NDUFAF7: variants seen among roughly 807,000 people sequenced by gnomAD.
The protein encoded by NDUFAF7 is protein arginine methyltransferase NDUFAF7, mitochondrial.
In NDUFAF7, 48 loss-of-function variants were observed where a neutral mutation model predicts 47.2. The observed-to-expected ratio is 1.02, with a 90% confidence interval of 0.81 to 1.29. The LOEUF (loss-of-function observed/expected upper bound fraction) is 1.29. Among genes scored for constraint, NDUFAF7 ranks in the 50% most tolerant of loss-of-function variants. NDUFAF7 has a pLI of 0.00. For synonymous variants in NDUFAF7, 217 were observed against 190.0 expected, an observed-to-expected ratio of 1.14 and a Z score of -1.17; for missense variants, 635 against 537.6, an observed-to-expected ratio of 1.18 and a Z score of -1.79.
the NDUFAF7 span, chr2:37,269,431 C>T: frequency 8.6e-6 from 5 of 578,036 alleles, no homozygotes; most frequent in East Asian, 1.4e-4. Context: ...TTAAAGTTTG[C>T]AATGACATTA....
intron 5 of NDUFAF7, chr2:37,242,068 G>A (rs1666407759): frequency 1.1e-5 from 5 of 462,388 alleles, no homozygotes; most frequent in East Asian, 4.1e-5. Context: ...AGCTAGGGTT[G>A]TACCGATGAC....
the NDUFAF7 span, among the ~76,000 whole-genome samples, chr2:37,264,011 A>G: frequency 6.6e-6 from 1 of 152,232 alleles, no homozygotes; most frequent in East Asian, 1.9e-4. Context: ...AGAACACCAC[A>G]CCTTTTCTCC....
chr2:37,259,891 A>G, the NDUFAF7 span, among the ~76,000 whole-genome samples: 6 of 152,224 alleles, frequency 3.9e-5, no homozygotes, highest in African/African-American at 1.4e-4. Context: ...TTAGCTGGAT[A>G]CAGTGGCTCA....
chr2:37,244,367 ACT>A (rs764495872), intron 7 of NDUFAF7, among the ~76,000 whole-genome samples: 2 of 152,140 alleles, frequency 1.3e-5, no homozygotes, highest in African/African-American at 2.4e-5. Flanking sequence ...ACTTTGTGTT[ACT>A]CTGTTTTCTC....
the NDUFAF7 span, among the ~76,000 whole-genome samples, chr2:37,258,855 A>G: frequency 6.6e-6 from 1 of 152,232 alleles, no homozygotes; most frequent in Non-Finnish European, 1.5e-5. Context: ...CTAAATGTAC[A>G]TGTTTCAAAT....
downstream of NDUFAF7, among the ~76,000 whole-genome samples, chr2:37,249,700 GATAA>G (rs925579360): frequency 4.3e-5 from 6 of 139,070 alleles, no homozygotes; most frequent in African/African-American, 1.7e-4. Flanking sequence ...ATAATTTTCA[GATAA>G]ATGTCAAATT....
downstream of NDUFAF7, among the ~76,000 whole-genome samples, chr2:37,249,556 T>TAGAGAC (rs200071685): frequency 2.2e-5 from 1 of 46,042 alleles, no homozygotes; most frequent in African/African-American, 8.7e-5. Flanking sequence ...TAGCCTGTGA[T>TAGAGAC]AGACACACAC....
chr2:37,234,303 G>C (rs1051586634), intron 2 of NDUFAF7, among the ~76,000 whole-genome samples: 1 of 152,088 alleles, frequency 6.6e-6, no homozygotes, highest in Non-Finnish European at 1.5e-5. Context: ...TGTTGGCCAG[G>C]CTGGTCTTGA....
intron 2 of NDUFAF7, among the ~76,000 whole-genome samples, chr2:37,235,382 C>A (rs1480774209): frequency 2.0e-5 from 3 of 152,200 alleles, no homozygotes; most frequent in East Asian, 3.9e-4. Flanking sequence ...GCACCCAAAT[C>A]AAGAAACAGA....
chr2:37,252,994 C>A (rs994358809), downstream of NDUFAF7: 13 of 488,040 alleles, frequency 2.7e-5, no homozygotes, highest in East Asian at 6.9e-5. Flanking sequence ...ATTATGACTT[C>A]TTATTATTCA....
Position 37,248,913 on chromosome 2 carries a change from TC to T in NDUFAF7, c.*564del. 1 of 114,454 alleles carries T rather than the reference TC, an allele frequency of 8.7e-6. No homozygotes were observed. Among genetic ancestry groups the T allele is most frequent in the South Asian group, 2.5e-4 (1 of 4,018 alleles). 7.1% of individuals were successfully genotyped at this position (114,454 alleles called of 1,614,324 possible). On this transcript the variant is annotated 3_prime_UTR_variant, in exon 10 of 10. Coordinates refer to ENST00000002125, the MANE Select transcript of NDUFAF7 (RefSeq NM_144736.5). ...TGGGCAACAAGAGCAAAAATCCCTC[TC>T]AAAAAAAAAAGTAAACATGGGCACT... is the stretch of plus-strand genomic sequence containing the variant.
downstream of NDUFAF7, among the ~76,000 whole-genome samples, chr2:37,255,368 C>G (rs575500482): frequency 5.9e-5 from 9 of 152,258 alleles, no homozygotes; most frequent in African/African-American, 2.2e-4. Flanking sequence ...GGGGTATTCC[C>G]CAGCACTGGT....
rs771510243 is a variant in NDUFAF7 at position 37,232,235 on chromosome 2, A to C, written c.185A>C (p.Tyr62Ser). Residue 62 changes from tyrosine to serine, a missense_variant, in exon 2 of 10, where the codon TAC (tyrosine) becomes TCC (serine). Tyr to Ser is a moderately radical substitution (Grantham distance 144, BLOSUM62 -2). Transcript: ENST00000002125. ...KSTGPITVAE[Y>S]MKEVLTNPAK... is the part of the protein sequence containing the mutation. ...ACTGGTCCCATCACTGTGGCCGAGTACATGAAGGAGGTGTTGACTAATCCA... is the reference window on the plus strand; with the variant it reads ...ACTGGTCCCATCACTGTGGCCGAGTCCATGAAGGAGGTGTTGACTAATCCA... 4 of 1,613,454 alleles carry C rather than the reference A, an allele frequency of 2.5e-6. No individual in the cohort carries two copies. The African/African-American group carries it at 5.3e-5, about 22-fold the overall frequency.
In NDUFAF7 at chr2:37,241,913, T is replaced by C. The variant is rs187544793; in HGVS notation, c.622+122T>C. ...TTACTGCTGCCAAGTCCCTTATCCA[T>C]AGAGAGTAGCCTACTTTTTTCTAGA... On this transcript the variant is annotated intron_variant, in intron 5 of 9. Transcript: ENST00000002125. 362 of 826,634 alleles carry C rather than the reference T, an allele frequency of 4.4e-4. 1 individual carries two copies. The African/African-American group carries it at 5.3e-3, about 12-fold the overall frequency. 51.2% of individuals were successfully genotyped at this position (826,634 alleles called of 1,614,324 possible).
In NDUFAF7 at chr2:37,246,192, C is replaced by T. The variant is rs762431421; in HGVS notation, c.933C>T (p.Phe311=). Residue 311 remains phenylalanine (F), a synonymous_variant, in exon 8 of 10, where the codon TTC becomes TTT. Coordinates refer to ENST00000002125, the MANE Select transcript of NDUFAF7 (RefSeq NM_144736.5). ...ATGATGGAACAAAGACAGATACCTT[C>T]AGAGTATGTATAATTCAGTAACATG... is the stretch of plus-strand genomic sequence containing the variant. ...YGHDGTKTDT[F]RGFCDHKLHD... is the part of the protein sequence containing the mutation. The T allele has an allele frequency of 3.1e-6, 5 of 1,613,544 alleles. No homozygotes were observed. The African/African-American group carries it at 6.7e-5, about 22-fold the overall frequency.
chr2:37,268,784 C>A, the NDUFAF7 span: 1 of 154,712 alleles, frequency 6.5e-6, no homozygotes. Flanking sequence ...GAGGAAGCTG[C>A]AATTAGATCT....
At chr2:37,270,246 G>T in the NDUFAF7 span, among the ~76,000 whole-genome samples, 2 of 148,132 alleles carry the variant, frequency 1.4e-5, no homozygotes, top group East Asian at 2.0e-4. Context: ...AAAAAATCTT[G>T]TATTTATTAA....
At chr2:37,268,359 TA>T in the NDUFAF7 span, 1 of 470,906 alleles carries the variant, frequency 2.1e-6, no homozygotes, top group East Asian at 7.0e-5. Context: ...TAACTACTCT[TA>T]AAACTGACAA....
chr2:37,268,591 G>A, the NDUFAF7 span: 6 of 244,152 alleles, frequency 2.5e-5, no homozygotes, highest in Non-Finnish European at 4.9e-5. Flanking sequence ...GTACCAAAGG[G>A]GAACCATGTT....
Sources: gnomAD v4.1 joint callset for allele counts (sites outside exome capture counted in the v4.1 genomes callset) on GRCh38, gnomAD v4.1.1 for gene constraint, MANE v1.5 for transcripts, NCBI Gene and HGNC (gene_info 2026-07-23, HGNC 2026-07-21) for gene names.